ENTPD1: variants seen among roughly 807,000 people sequenced by gnomAD.
ENTPD1 encodes the protein ATP diphosphohydrolase.
Under a neutral mutation model 57.0 loss-of-function variants are expected in ENTPD1, and 33 were observed. The observed-to-expected ratio is 0.58, with a 90% CI of 0.44 to 0.77. ENTPD1 has a LOEUF of 0.77. Among genes scored for constraint, ENTPD1 ranks in the 30% least tolerant of loss-of-function variants. The pLI, the probability that ENTPD1 is intolerant of heterozygous loss-of-function variation, is 0.00. For synonymous variants in ENTPD1, 202 were observed against 218.8 expected (o/e 0.92, Z 0.68); for missense variants, 501 against 603.4 (o/e 0.83, Z 1.78).
intron 1 of ENTPD1, among the ~76,000 whole-genome samples, chr10:95,776,985 A>C (rs931582523): frequency 1.3e-5 from 2 of 152,122 alleles, no homozygotes; most frequent in Non-Finnish European, 2.9e-5. Context: ...CAGCTTGGTC[A>C]TTTAAGGTGT....
intron 1 of ENTPD1, among the ~76,000 whole-genome samples, chr10:95,733,968 A>C (rs1046793947): frequency 1.3e-5 from 2 of 152,156 alleles, no homozygotes; most frequent in African/African-American, 4.8e-5. Flanking sequence ...TCATGGGTCT[A>C]TGGGTAATGG....
chr10:95,772,647 C>T (rs1411608548), intron 1 of ENTPD1, among the ~76,000 whole-genome samples: 1 of 152,166 alleles, frequency 6.6e-6, no homozygotes, highest in Non-Finnish European at 1.5e-5. Flanking sequence ...TCTTGAGCCC[C>T]TCCAAGTCAT....
intron 1 of ENTPD1, among the ~76,000 whole-genome samples, chr10:95,727,138 G>T (rs2097984552): frequency 1.3e-5 from 2 of 152,110 alleles, no homozygotes; most frequent in Non-Finnish European, 2.9e-5. Flanking sequence ...ACAAAACATG[G>T]AGCTCTAACA....
At chr10:95,770,327 G>A (rs984582200) in intron 1 of ENTPD1, among the ~76,000 whole-genome samples, 6 of 151,452 alleles carry the variant, frequency 4.0e-5, no homozygotes, top group African/African-American at 1.5e-4. Context: ...TGAGTATGGT[G>A]TCCTGGGAGC....
chr10:95,712,702 G>C (rs1189671970), intron 1 of ENTPD1, among the ~76,000 whole-genome samples: 1 of 152,104 alleles, frequency 6.6e-6, no homozygotes, highest in Non-Finnish European at 1.5e-5. Flanking sequence ...CAAATTTGTT[G>C]GTTACTAGTG....
intron 7 of ENTPD1, among the ~76,000 whole-genome samples, chr10:95,854,688 G>A (rs371346155): frequency 0.034 from 5,143 of 152,032 alleles, 114 homozygotes; most frequent in Non-Finnish European, 0.049. Flanking sequence ...ATTTCGTTAC[G>A]TACCCAGTAG....
chr10:95,707,477 G>A (rs564308867), upstream of ENTPD1, among the ~76,000 whole-genome samples: 1 of 152,348 alleles, frequency 6.6e-6, no homozygotes, highest in South Asian at 2.1e-4. Context: ...AGCATCCGCT[G>A]CCATCAGTTA....
chr10:95,712,956 C>G (rs1194623013), intron 1 of ENTPD1, among the ~76,000 whole-genome samples: 1 of 151,394 alleles, frequency 6.6e-6, no homozygotes, highest in Non-Finnish European at 1.5e-5. Flanking sequence ...ATGGCGTGAA[C>G]CCGGGAGGCG....
At position 95,872,038 on chromosome 10, in the gene ENTPD1, C is replaced by A; in HGVS notation, c.*5655C>A. The A allele has an allele frequency of 1.0e-6, 1 of 985,416 alleles. No individual in the cohort carries two copies. Among genetic ancestry groups the A allele is most frequent in the Non-Finnish European group, 1.2e-6 (1 of 829,928 alleles). 61.0% of individuals were successfully genotyped at this position (985,416 alleles called of 1,614,324 possible). A position where few individuals can be genotyped will look rare whatever the true frequency, so the allele number is the denominator to read the frequency against. The stretch of plus-strand genomic sequence containing the variant: ...CACCCCTGCCTCAATGAACCAAGAT[C>A]AGCTCCATCACTGGGACCTCCCCAT... On this transcript the variant is annotated 3_prime_UTR_variant, in exon 10 of 10. Coordinates refer to ENST00000371205, the MANE Select transcript of ENTPD1 (RefSeq NM_001776.6).
chr10:95,859,998 A>AT (rs1335551591), intron 7 of ENTPD1, among the ~76,000 whole-genome samples: 6 of 152,272 alleles, frequency 3.9e-5, no homozygotes, highest in African/African-American at 7.2e-5. Flanking sequence ...ATAAAGATGG[A>AT]TTTTTTAAAG....
intron 2 of ENTPD1, among the ~76,000 whole-genome samples, chr10:95,835,330 C>T (rs1239688559): frequency 9.9e-5 from 15 of 152,136 alleles, no homozygotes; most frequent in Admixed American, 6.5e-4. Context: ...TTTCTTTATA[C>T]AATTCATCAT....
chr10:95,807,918 C>A (rs1161767641), intron 1 of ENTPD1, among the ~76,000 whole-genome samples: 1 of 152,160 alleles, frequency 6.6e-6, no homozygotes, highest in African/African-American at 2.4e-5. Context: ...ATTTCCTTCT[C>A]TTGCCTGATT....
At chr10:95,696,302 A>T in the ENTPD1 span, among the ~76,000 whole-genome samples, 1 of 152,112 alleles carries the variant, frequency 6.6e-6, no homozygotes, top group Non-Finnish European at 1.5e-5. Context: ...AACTTATTTG[A>T]GAGAGTCTTG....
At chr10:95,833,937 C>T (rs1430173309) in intron 2 of ENTPD1, among the ~76,000 whole-genome samples, 1 of 152,192 alleles carries the variant, frequency 6.6e-6, no homozygotes, top group Non-Finnish European at 1.5e-5. Context: ...TACCTAAATA[C>T]CTCCCACTAG....
chr10:95,779,343 G>T (rs1453869770), intron 1 of ENTPD1, among the ~76,000 whole-genome samples: 7 of 152,086 alleles, frequency 4.6e-5, no homozygotes. Flanking sequence ...ACTTTATTCT[G>T]CACCTTTGTG....
At chr10:95,855,722 C>A (rs560094098) in intron 7 of ENTPD1, among the ~76,000 whole-genome samples, 8 of 152,280 alleles carry the variant, frequency 5.3e-5, no homozygotes, top group Admixed American at 4.6e-4. Context: ...ACATGAAATT[C>A]TGGGTTGAAA....
At position 95,844,510 on chromosome 10, in the gene ENTPD1, G is replaced by A; in HGVS notation, c.448G>A (p.Asp150Asn). ...ESEELADRVL[D>N]VVERSLSNYP... ...TGAAGAGTTGGCAGACAGGGTTCTG[G>A]ATGTGGTGGAGAGGAGCCTCAGCAA... is the stretch of plus-strand genomic sequence containing the variant. The change falls in exon 5 of 10, where the codon GAT becomes AAT. Residue 150 changes from aspartate to asparagine, a missense_variant. Coordinates refer to ENST00000371205, the MANE Select transcript of ENTPD1 (RefSeq NM_001776.6). 1 of 1,614,212 alleles carries A rather than the reference G, an allele frequency of 6.2e-7. No homozygotes were observed. The highest frequency in any genetic ancestry group is 1.3e-5 in the African/African-American group (1 of 75,062).
intron 1 of ENTPD1, among the ~76,000 whole-genome samples, chr10:95,749,420 A>C (rs1442475067): frequency 1.3e-5 from 2 of 152,196 alleles, no homozygotes; most frequent in Non-Finnish European, 2.9e-5. Flanking sequence ...GGCCAGTAGG[A>C]GCCACTTAAA....
intron 9 of ENTPD1, among the ~76,000 whole-genome samples, chr10:95,865,916 T>G (rs1272305077): frequency 2.0e-5 from 3 of 152,052 alleles, no homozygotes; most frequent in Non-Finnish European, 4.4e-5. Context: ...TACAGACATG[T>G]TCCACCGTGC....
Sources: allele counts gnomAD v4.1 joint callset (sites outside exome capture counted in the v4.1 genomes callset), GRCh38; gene constraint gnomAD v4.1.1; transcripts MANE v1.5; gene names NCBI Gene and HGNC (gene_info 2026-07-23, HGNC 2026-07-21).